HACE1: variants seen among roughly 807,000 people sequenced by gnomAD.
The protein encoded by HACE1 is HECT domain and ankyrin repeat containing E3 ubiquitin protein ligase 1, also known as E3 ubiquitin-protein ligase HACE1.
A neutral mutation model predicts 118.4 loss-of-function variants in HACE1; 73 were observed. That is an observed-to-expected ratio of 0.62 (90% CI 0.51 to 0.75). The LOEUF is 0.75. HACE1 is among the 30% of genes least tolerant of loss of function. The pLI, the probability that HACE1 is intolerant of heterozygous loss-of-function variation, is 0.00. For synonymous variants in HACE1, 368 were observed against 374.8 expected, an observed-to-expected ratio of 0.98 and a Z score of 0.21; for missense variants, 749 against 1,102.2, an observed-to-expected ratio of 0.68 and a Z score of 4.54.
At chr6:104,859,119 T>A (rs771947906) in intron 1 of HACE1, among the ~76,000 whole-genome samples, 2 of 152,208 alleles carry the variant, frequency 1.3e-5, no homozygotes, top group Admixed American at 1.3e-4. Context: ...TGCCCCACAT[T>A]TTAAAAAATA....
At chr6:104,774,113 G>A (rs12664491) in intron 17 of HACE1, among the ~76,000 whole-genome samples, 24,500 of 78,842 alleles carry the variant, frequency 0.31, 4,819 homozygotes, top group African/African-American at 0.56. Context: ...TTTTTGAGAC[G>A]GAGTCTCGCT....
chr6:104,763,221 T>C (rs1779605335), intron 19 of HACE1, among the ~76,000 whole-genome samples: 1 of 152,096 alleles, frequency 6.6e-6, no homozygotes, highest in East Asian at 1.9e-4. Flanking sequence ...AACACACACG[T>C]ATACTCAACA....
At chr6:104,821,534 T>C (rs1772715355) in intron 6 of HACE1, among the ~76,000 whole-genome samples, 1 of 152,174 alleles carries the variant, frequency 6.6e-6, no homozygotes, top group Non-Finnish European at 1.5e-5. Context: ...TGATATAACG[T>C]AAATAACACT....
intron 22 of HACE1, chr6:104,732,197 G>A (rs1165949362): frequency 6.6e-6 from 1 of 152,086 alleles, no homozygotes; most frequent in Non-Finnish European, 1.5e-5. Flanking sequence ...CATATGATCA[G>A]GCAATTCCAC....
intron 5 of HACE1, among the ~76,000 whole-genome samples, chr6:104,840,075 C>A (rs1256004516): frequency 6.6e-6 from 1 of 152,154 alleles, no homozygotes; most frequent in Non-Finnish European, 1.5e-5. Context: ...CATGTCCTTA[C>A]TGTAATATTA....
At position 104,756,714 on chromosome 6, in the gene HACE1, G is replaced by A. The variant is rs141330573; in HGVS notation, c.2212-6242C>T. Among the ~76,000 whole-genome samples the A allele has an allele frequency of 1.3e-3, 199 of 152,252 alleles. 2 individuals are homozygous for A. The highest frequency in any genetic ancestry group is 4.4e-3 in the African/African-American group (183 of 41,550). ...TGGTTGGACAGTGGGTGCAGCCCAC[G>A]GAGGGCGAGCCAAAGCAGGGCAGGG... On this transcript the variant is annotated intron_variant, in intron 19 of 23. Coordinates refer to ENST00000262903, the MANE Select transcript of HACE1 (RefSeq NM_020771.4).
intron 6 of HACE1, among the ~76,000 whole-genome samples, chr6:104,831,616 G>A (rs1172039775): frequency 4.3e-5 from 6 of 140,734 alleles, no homozygotes; most frequent in South Asian, 4.6e-4. Context: ...GAAAGAGGCC[G>A]GGCACGGTGG....
chr6:104,771,278 GAA>G lies in HACE1; in HGVS notation c.2124_2125del (p.Ser709CysfsTer2). On this transcript the variant is annotated frameshift_variant, in exon 19 of 24. Transcript: ENST00000262903. LOFTEE classifies it high-confidence loss of function. Reference sequence around the variant, plus strand: ...TGCTCCAAACACATCAGTCTCAACAGAAAAAGTTAGTTCTAGACCCAGATCAC... The same window carrying G: ...TGCTCCAAACACATCAGTCTCAACAGAAAGTTAGTTCTAGACCCAGATCAC... 1 of 1,613,236 alleles carries G rather than the reference GAA, an allele frequency of 6.2e-7. No individual in the cohort carries two copies. Among genetic ancestry groups the G allele is most frequent in the Non-Finnish European group, 8.5e-7 (1 of 1,179,278 alleles).
At chr6:104,822,827 A>G (rs1410318136) in intron 6 of HACE1, among the ~76,000 whole-genome samples, 12 of 152,170 alleles carry the variant, frequency 7.9e-5, no homozygotes. Flanking sequence ...ACTGCACTCC[A>G]GCCTGTACCG....
chr6:104,765,762 C>A, intron 19 of HACE1, among the ~76,000 whole-genome samples: 1 of 152,138 alleles, frequency 6.6e-6, no homozygotes, highest in Non-Finnish European at 1.5e-5. Flanking sequence ...CTGACAAATC[C>A]ACTCTTTAAA....
chr6:104,858,766 A>G (rs1777002330), intron 1 of HACE1, among the ~76,000 whole-genome samples: 2 of 152,242 alleles, frequency 1.3e-5, no homozygotes, highest in East Asian at 1.9e-4. Flanking sequence ...TCTTAGAAGC[A>G]GCACTGCTGT....
At chr6:104,844,618 T>C (rs1229126240) in intron 4 of HACE1, among the ~76,000 whole-genome samples, 1 of 147,170 alleles carries the variant, frequency 6.8e-6, no homozygotes, top group Non-Finnish European at 1.5e-5. Context: ...CCCAAAGTGC[T>C]GGGATTACAG....
Position 104,859,876 on chromosome 6 carries a change from G to A in HACE1, c.-234C>T. 2.1e-6 allele frequency: 1 copy of A among 485,958 alleles called. No individual in the cohort carries two copies. The highest frequency in any genetic ancestry group is 3.6e-6 in the Non-Finnish European group (1 of 275,904). The allele number at this position is 485,958 out of a possible 1,614,324, so 30.1% of individuals were successfully genotyped here. ...CGCCGCCTCTGCTCGCGCCTTTCCT[G>A]CAGCCCCCGCCGCCGCGTCCCTCCC... On this transcript the variant is annotated 5_prime_UTR_variant, in exon 1 of 24. Coordinates refer to ENST00000262903, the MANE Select transcript of HACE1 (RefSeq NM_020771.4).
At chr6:104,761,572 T>C (rs956071417) in intron 19 of HACE1, among the ~76,000 whole-genome samples, 7 of 152,190 alleles carry the variant, frequency 4.6e-5, no homozygotes, top group Non-Finnish European at 7.3e-5. Flanking sequence ...GACTTAAACG[T>C]AAGACCTAGG....
intron 7 of HACE1, among the ~76,000 whole-genome samples, chr6:104,803,877 A>G (rs1339604378): frequency 6.6e-6 from 1 of 152,196 alleles, no homozygotes; most frequent in Non-Finnish European, 1.5e-5. Context: ...CAATCAGGCA[A>G]GAGAAAGAAA....
intron 7 of HACE1, among the ~76,000 whole-genome samples, chr6:104,807,057 T>G (rs1216694622): frequency 6.8e-6 from 1 of 146,864 alleles, no homozygotes; most frequent in South Asian, 2.2e-4. Flanking sequence ...GGAGTCTCAC[T>G]CTGTTGCCCA....
intron 2 of HACE1, 108 bp from the exon 3 acceptor site, chr6:104,851,104 G>C (rs1776158910): frequency 4.1e-6 from 3 of 734,972 alleles, no homozygotes; most frequent in Non-Finnish European, 7.4e-6. Flanking sequence ...TGTTTGTTGA[G>C]ACAAGAGTCT....
chr6:104,847,188 A>T (rs908092786), intron 4 of HACE1, among the ~76,000 whole-genome samples: 4 of 152,342 alleles, frequency 2.6e-5, no homozygotes, highest in African/African-American at 9.6e-5. Context: ...CTCACACTGA[A>T]GTCTTATGAC....
At chr6:104,764,009 T>G (rs1041459964) in intron 19 of HACE1, among the ~76,000 whole-genome samples, 2 of 152,168 alleles carry the variant, frequency 1.3e-5, no homozygotes, top group Non-Finnish European at 2.9e-5. Context: ...ATCCCACCAC[T>G]GCACTCCAGC....
Sources: gnomAD v4.1 joint callset for allele counts (sites outside exome capture counted in the v4.1 genomes callset) on GRCh38, gnomAD v4.1.1 for gene constraint, MANE v1.5 for transcripts, NCBI Gene and HGNC (gene_info 2026-07-23, HGNC 2026-07-21) for gene names.